Variants in LRSAM1 observed in about 807,000 individuals in gnomAD.
LRSAM1 encodes leucine rich repeat and sterile alpha motif containing 1.
LRSAM1 carries 96 observed loss-of-function variants against 118.1 expected under a neutral mutation model. The ratio of observed to expected loss-of-function variants is 0.81; its 90% CI spans 0.69 to 0.96. The LOEUF (loss-of-function observed/expected upper bound fraction) is 0.96, where lower values mean the gene tolerates loss of function less well. Ranked by LOEUF, LRSAM1 falls within the 40% of genes least tolerant of loss-of-function variation. The probability of loss-of-function intolerance (pLI) is 0.00; values close to 1 mark genes in which losing one functional copy is unlikely to be tolerated. For missense variants in LRSAM1, 804 were observed against 915.5 expected, an observed-to-expected ratio of 0.88 and a Z score of 1.57; for synonymous variants, 322 against 364.2, an observed-to-expected ratio of 0.88 and a Z score of 1.32.
intron 7 of LRSAM1, among the ~76,000 whole-genome samples, chr9:127,459,511 G>A (rs971648093): frequency 2.7e-5 from 4 of 150,048 alleles, no homozygotes. Flanking sequence ...GAGCCACCAC[G>A]CCTGACCAAT....
At chr9:127,501,918 G>C (rs936620516) in intron 25 of LRSAM1, among the ~76,000 whole-genome samples, 1 of 152,220 alleles carries the variant, frequency 6.6e-6, no homozygotes, top group African/African-American at 2.4e-5. Context: ...GATATGGATG[G>C]ACCTATTGGT....
intron 24 of LRSAM1, among the ~76,000 whole-genome samples, chr9:127,498,005 G>A (rs1408729564): frequency 2.0e-5 from 3 of 152,258 alleles, no homozygotes; most frequent in Admixed American, 2.0e-4. Context: ...TGGAGCCACT[G>A]GGCTTGCCTG....
At chr9:127,487,260 CA>C (rs1289765076) in intron 17 of LRSAM1, among the ~76,000 whole-genome samples, 1 of 151,914 alleles carries the variant, frequency 6.6e-6, no homozygotes, top group African/African-American at 2.4e-5. Flanking sequence ...GTGCCCAAGT[CA>C]AGGGCTGCTC....
At chr9:127,461,774 T>C (rs762211656) in intron 8 of LRSAM1, among the ~76,000 whole-genome samples, 1 of 152,252 alleles carries the variant, frequency 6.6e-6, no homozygotes, top group African/African-American at 2.4e-5. Flanking sequence ...ACAGGCGCCT[T>C]ACCCGCAGGA....
At chr9:127,466,592 A>G (rs1834961398) in intron 9 of LRSAM1, among the ~76,000 whole-genome samples, 1 of 134,154 alleles carries the variant, frequency 7.5e-6, no homozygotes, top group African/African-American at 2.8e-5. Context: ...GGCTGAAGTG[A>G]TCCTCCCACC....
chr9:127,502,054 G>A (rs995485044), intron 25 of LRSAM1, among the ~76,000 whole-genome samples: 2 of 152,210 alleles, frequency 1.3e-5, no homozygotes, highest in Admixed American at 6.5e-5. Flanking sequence ...CTGCTGCTCC[G>A]GGTTGGGATT....
chr9:127,479,040 A>G, intron 12 of LRSAM1, 77 bp downstream of exon 12: 1 of 1,475,174 alleles, frequency 6.8e-7, no homozygotes, highest in Non-Finnish European at 9.5e-7. Flanking sequence ...TATTTGAGAA[A>G]ATGACTTCTT....
rs754248018 is a variant in LRSAM1, at chr9:127,479,977, A to G, written c.1042A>G (p.Arg348Gly). The G allele has an allele frequency of 3.7e-6, 6 of 1,614,108 alleles. No individual in the cohort carries two copies. Among genetic ancestry groups the G allele is most frequent in the Non-Finnish European group, 4.2e-6 (5 of 1,180,030 alleles). Reference protein sequence around the residue: ...RIQKLLQDNQRQKKSSEILKS... With the variant: ...RIQKLLQDNQGQKKSSEILKS... ...CCAGAAGCTGCTGCAGGACAATCAGAGGTTGGGCTCTGCTCCTCGGCCCCA... is the reference window on the plus strand; with the variant it reads ...CCAGAAGCTGCTGCAGGACAATCAGGGGTTGGGCTCTGCTCCTCGGCCCCA... The change falls in exon 14 of 26, where the codon AGA becomes GGA. Residue 348 changes from arginine (R) to glycine (G), a missense_variant and splice_region_variant. Transcript: ENST00000300417.
chr9:127,463,386 C>T (rs1021676664), intron 9 of LRSAM1, among the ~76,000 whole-genome samples: 11 of 151,728 alleles, frequency 7.2e-5, no homozygotes, highest in Non-Finnish European at 1.5e-4. Flanking sequence ...GGTAGGGAGC[C>T]GTTGGGATGG....
chr9:127,482,901 C>T, intron 15 of LRSAM1, 49 bp from the exon 16 acceptor site: 1 of 1,524,266 alleles, frequency 6.6e-7, no homozygotes, highest in Non-Finnish European at 8.9e-7. Context: ...CTGGGATTCC[C>T]TGTTGGAAAT....
intron 24 of LRSAM1, among the ~76,000 whole-genome samples, chr9:127,498,928 G>A (rs766244006): frequency 5.3e-5 from 8 of 151,890 alleles, no homozygotes; most frequent in East Asian, 3.9e-4. Flanking sequence ...GCGTGGTGGC[G>A]TGCACCTGTA....
At chr9:127,457,508 C>A in intron 6 of LRSAM1, 115 bp downstream of exon 6, 1 of 941,916 alleles carries the variant, frequency 1.1e-6, no homozygotes, top group South Asian at 1.4e-5. Context: ...ATCTACCAGT[C>A]AGTCTGGGAT....
intron 24 of LRSAM1, among the ~76,000 whole-genome samples, chr9:127,498,494 C>T (rs1009691117): frequency 1.8e-4 from 28 of 152,230 alleles, no homozygotes; most frequent in African/African-American, 6.3e-4. Context: ...CCTCTGAGCC[C>T]AGCAGTCCTC....
Position 127,496,108 on chromosome 9 carries a change from C to T in LRSAM1, c.1830+13C>T, listed in dbSNP as rs374449653. On this transcript the variant is annotated intron_variant, in intron 23 of 25. Coordinates refer to ENST00000300417, the MANE Select transcript of LRSAM1 (RefSeq NM_001005373.4). The stretch of plus-strand genomic sequence containing the variant: ...GGACCTGGCCAAGGTGGGCAGCAGC[C>T]GTCTGCATGGAGGGGAGGGGCACGC... 8.2e-5 allele frequency: 132 copies of T among 1,606,760 alleles called. No homozygotes were observed. Among genetic ancestry groups the T allele is most frequent in the Non-Finnish European group, 1.1e-4 (129 of 1,179,962 alleles).
intron 8 of LRSAM1, among the ~76,000 whole-genome samples, chr9:127,461,467 C>T (rs781299210): frequency 2.1e-4 from 32 of 152,214 alleles, no homozygotes; most frequent in Non-Finnish European, 3.8e-4. Context: ...CTCCTGAGAG[C>T]CAGGGCCGTA....
Position 127,473,820 on chromosome 9 carries a change from C to A in LRSAM1, c.639C>A (p.Tyr213Ter), listed in dbSNP as rs941908516. 2.5e-6 allele frequency: 4 copies of A among 1,614,172 alleles called. No individual in the cohort carries two copies. Among genetic ancestry groups the A allele is most frequent in the Non-Finnish European group, 3.4e-6 (4 of 1,180,016 alleles). The change falls in exon 11 of 26, where the codon TAC (tyrosine) becomes TAA (stop). Residue 213 changes from tyrosine to a stop codon, truncating the protein, a stop_gained. Coordinates refer to ENST00000300417, the MANE Select transcript of LRSAM1 (RefSeq NM_001005373.4). LOFTEE classifies it high-confidence loss of function. ...FLCKESGLEY[Y>*]PPSQYLLPIL... ...TTACAGAGTCAGGGCTGGAATACTA[C>A]CCCCCTTCTCAGTACTTGCTGCCAA... is the stretch of plus-strand genomic sequence containing the variant.
At chr9:127,473,396 G>T (rs1054093029) in intron 10 of LRSAM1, among the ~76,000 whole-genome samples, 1 of 152,198 alleles carries the variant, frequency 6.6e-6, no homozygotes, top group African/African-American at 2.4e-5. Context: ...TGAGTCTAAG[G>T]TATGAACCCT....
Position 127,503,067 on chromosome 9 carries a change from C to A in LRSAM1, c.*168C>A. The A allele has an allele frequency of 2.3e-6, 2 of 878,044 alleles. No homozygotes were observed. Among genetic ancestry groups the A allele is most frequent in the Admixed American group, 2.3e-5 (1 of 43,750 alleles). The allele number at this position is 878,044 out of a possible 1,614,324, so 54.4% of individuals were successfully genotyped here. ...TCCTAAGCTCCAAGCATGTCTGGGC[C>A]AGGCAGAGGTGCTCCTCATCCATGA... On this transcript the variant is annotated 3_prime_UTR_variant, in exon 26 of 26. Transcript: ENST00000300417.
chr9:127,454,423 A>T, intron 2 of LRSAM1, 73 bp from the exon 3 acceptor site: 1 of 1,103,030 alleles, frequency 9.1e-7, no homozygotes, highest in Non-Finnish European at 1.4e-6. Flanking sequence ...GCTCTGTGTT[A>T]CTGCACTACC....
Sources: allele counts gnomAD v4.1 joint callset (sites outside exome capture counted in the v4.1 genomes callset), GRCh38; gene constraint gnomAD v4.1.1; transcripts MANE v1.5; gene names NCBI Gene and HGNC (gene_info 2026-07-23, HGNC 2026-07-21).